Variants in CPA6 observed in about 807,000 individuals in gnomAD.
CPA6 encodes carboxypeptidase B.
A neutral mutation model predicts 63.3 loss-of-function variants in CPA6; 58 were observed. The observed-to-expected ratio is 0.92, with a 90% CI of 0.74 to 1.14. CPA6 has a LOEUF of 1.14. Ranked by LOEUF, CPA6 falls within the 50% of genes most tolerant of loss-of-function variation. The pLI is 0.00. For missense variants in CPA6, 565 were observed against 526.6 expected (o/e 1.07, Z -0.71); for synonymous variants, 185 against 179.0 (o/e 1.03, Z -0.27).
chr8:67,612,336 G>A (rs765465943), intron 2 of CPA6, among the ~76,000 whole-genome samples: 11 of 152,116 alleles, frequency 7.2e-5, no homozygotes, highest in Non-Finnish European at 1.3e-4. Flanking sequence ...CCTCAGCGTG[G>A]CCCCATAACA....
intron 1 of CPA6, among the ~76,000 whole-genome samples, chr8:67,636,193 G>T (rs1355230324): frequency 6.6e-6 from 1 of 151,440 alleles, no homozygotes; most frequent in Non-Finnish European, 1.5e-5. Flanking sequence ...AAGCAGATAT[G>T]CAATTCTGCA....
rs564340820 is a variant in CPA6, at chr8:67,692,992, A to G, written c.116+53022T>C. Among the ~76,000 whole-genome samples, 252 of 152,356 alleles carry G rather than the reference A, an allele frequency of 1.7e-3. 2 individuals are homozygous for G. The highest frequency in any genetic ancestry group is 0.011 in the South Asian group (55 of 4,826). ...GGGACTTATTCATGCAAGCAGGAAG[A>G]GAAACCTGAACAAAAATTCCAACGA... On this transcript the variant is annotated intron_variant, in intron 1 of 10. Coordinates refer to ENST00000297770, the MANE Select transcript of CPA6 (RefSeq NM_020361.5).
chr8:67,678,566 C>A (rs1289228224), intron 1 of CPA6, among the ~76,000 whole-genome samples: 1 of 152,146 alleles, frequency 6.6e-6, no homozygotes, highest in East Asian at 1.9e-4. Flanking sequence ...AATTAATACT[C>A]AATGCAACAC....
intron 1 of CPA6, chr8:67,735,592 C>G (rs941922245): frequency 6.6e-6 from 1 of 151,942 alleles, no homozygotes; most frequent in African/African-American, 2.4e-5. Flanking sequence ...CATAACTTAC[C>G]TAATATAATA....
chr8:67,452,532 T>C (rs1028603098), intron 8 of CPA6: 2 of 152,204 alleles, frequency 1.3e-5, no homozygotes, highest in Non-Finnish European at 1.5e-5. Flanking sequence ...ATTACTTACA[T>C]GTAGATACTT....
At chr8:67,594,896 C>T (rs571552634) in intron 2 of CPA6, among the ~76,000 whole-genome samples, 6 of 152,326 alleles carry the variant, frequency 3.9e-5, no homozygotes, top group East Asian at 3.9e-4. Context: ...AGTCATTCTC[C>T]GTCCAGCTTT....
intron 1 of CPA6, among the ~76,000 whole-genome samples, chr8:67,696,579 C>T (rs1485272455): frequency 6.6e-6 from 1 of 151,740 alleles, no homozygotes; most frequent in Non-Finnish European, 1.5e-5. Context: ...ATTCAAGCAG[C>T]ATTATTCATA....
chr8:67,618,097 C>T (rs1814999457), intron 2 of CPA6, among the ~76,000 whole-genome samples: 1 of 152,184 alleles, frequency 6.6e-6, no homozygotes, highest in Non-Finnish European at 1.5e-5. Flanking sequence ...AATCCTTTTA[C>T]AATGGTGCCC....
At chr8:67,726,350 A>G (rs980144442) in intron 1 of CPA6, among the ~76,000 whole-genome samples, 1 of 152,140 alleles carries the variant, frequency 6.6e-6, no homozygotes, top group African/African-American at 2.4e-5. Context: ...TTTCCTTTCA[A>G]TCCATGCTTC....
At chr8:67,680,960 T>C in intron 1 of CPA6, among the ~76,000 whole-genome samples, 1 of 152,164 alleles carries the variant, frequency 6.6e-6, no homozygotes. Context: ...GGATTGAATG[T>C]TTTCTTGAGT....
intron 1 of CPA6, among the ~76,000 whole-genome samples, chr8:67,654,225 A>C (rs1279870554): frequency 6.6e-6 from 1 of 152,158 alleles, no homozygotes; most frequent in African/African-American, 2.4e-5. Context: ...TGTCTCTGCC[A>C]GGCTTTGGTA....
intron 1 of CPA6, among the ~76,000 whole-genome samples, chr8:67,671,206 T>A (rs1370007703): frequency 6.6e-6 from 1 of 152,246 alleles, no homozygotes; most frequent in Non-Finnish European, 1.5e-5. Context: ...TACCCCACAA[T>A]GGTGTCTATC....
At chr8:67,564,166 C>T (rs1813281369) in intron 2 of CPA6, among the ~76,000 whole-genome samples, 1 of 152,290 alleles carries the variant, frequency 6.6e-6, no homozygotes, top group Non-Finnish European at 1.5e-5. Flanking sequence ...AGTTTATCAT[C>T]TTGTTGGCAA....
chr8:67,645,971 C>G (rs1283248162), intron 1 of CPA6, among the ~76,000 whole-genome samples: 1 of 152,194 alleles, frequency 6.6e-6, no homozygotes, highest in Non-Finnish European at 1.5e-5. Context: ...TGCCTTAACT[C>G]TGCTTATCTT....
intron 7 of CPA6, 94 bp downstream of exon 7, chr8:67,484,585 C>G: frequency 1.7e-6 from 1 of 599,188 alleles, no homozygotes; most frequent in Non-Finnish European, 3.0e-6. Flanking sequence ...CAGCTGATTG[C>G]CTGTCCAGCT....
chr8:67,666,726 T>C (rs943398119), intron 1 of CPA6, among the ~76,000 whole-genome samples: 1 of 152,064 alleles, frequency 6.6e-6, no homozygotes, highest in Non-Finnish European at 1.5e-5. Context: ...CATGACACGA[T>C]GTCCCTCACT....
rs527531399 is a variant in CPA6, at chr8:67,459,735, G to T, written c.838+24033C>A. Reference sequence around the variant, plus strand: ...CCAAACCCATAGAATGAATTCCAGTGTAAACTATGTTTACATATGTTCCAA... The same window carrying T: ...CCAAACCCATAGAATGAATTCCAGTTTAAACTATGTTTACATATGTTCCAA... On this transcript the variant is annotated intron_variant, in intron 8 of 10. Coordinates refer to ENST00000297770, the MANE Select transcript of CPA6 (RefSeq NM_020361.5). Among the ~76,000 whole-genome samples the T allele has an allele frequency of 9.2e-5, 14 of 152,308 alleles. No individual in the cohort carries two copies. The South Asian group carries it at 2.9e-3, about 32-fold the overall frequency.
At chr8:67,458,632 G>A (rs1457545307) in intron 8 of CPA6, among the ~76,000 whole-genome samples, 1 of 152,104 alleles carries the variant, frequency 6.6e-6, no homozygotes, top group African/African-American at 2.4e-5. Flanking sequence ...CCACAGAATG[G>A]GAGAGAACAT....
intron 2 of CPA6, among the ~76,000 whole-genome samples, chr8:67,564,459 GGT>G (rs1813290330): frequency 6.6e-6 from 1 of 151,318 alleles, no homozygotes; most frequent in Non-Finnish European, 1.5e-5. Flanking sequence ...CTACATCTAA[GGT>G]GTTAGCTTAT....
Sources: gnomAD v4.1 joint callset for allele counts (sites outside exome capture counted in the v4.1 genomes callset) on GRCh38, gnomAD v4.1.1 for gene constraint, MANE v1.5 for transcripts, NCBI Gene and HGNC (gene_info 2026-07-23, HGNC 2026-07-21) for gene names.